SEM1: variants seen among roughly 807,000 people sequenced by gnomAD.
The protein encoded by SEM1 is SEM1 26S proteasome subunit.
In SEM1, 3 loss-of-function variants were observed where a neutral mutation model predicts 12.7. That is an observed-to-expected ratio of 0.24 (90% CI 0.11 to 0.61). The LOEUF is 0.61. SEM1 is among the 20% of genes least tolerant of loss of function. The pLI is 0.88. For missense variants in SEM1, 59 were observed against 81.3 expected (o/e 0.73, Z 1.06); for synonymous variants, 30 against 27.8 (o/e 1.08, Z -0.25).
chr7:96,631,632 A>G lies in SEM1; in HGVS notation c.171-8989T>C, dbSNP rs181708904. The stretch of plus-strand genomic sequence containing the variant: ...GAAAACCTGGGCAATACCTTTCAGG[A>G]CATAGGCATGGGCAAAGACTCCATG... On this transcript the variant is annotated intron_variant, in intron 2 of 2. Transcript: ENST00000417009. Among the ~76,000 whole-genome samples, 177 of 152,356 alleles carry G rather than the reference A, an allele frequency of 1.2e-3. 1 individual carries two copies. The highest frequency in any genetic ancestry group is 4.0e-3 in the African/African-American group (168 of 41,580).
At chr7:96,555,860 G>C (rs1178691359) in intron 2 of SEM1, among the ~76,000 whole-genome samples, 1 of 149,486 alleles carries the variant, frequency 6.7e-6, no homozygotes, top group Admixed American at 6.7e-5. Flanking sequence ...CTTGCTTTAT[G>C]AATCTGGGTG....
chr7:96,652,507 T>C (rs143503952), intron 2 of SEM1, among the ~76,000 whole-genome samples: 1 of 152,192 alleles, frequency 6.6e-6, no homozygotes, highest in African/African-American at 2.4e-5. Context: ...TTTATTTATC[T>C]AGTATCAAGA....
At chr7:96,570,656 A>G (rs559253825) in intron 2 of SEM1, among the ~76,000 whole-genome samples, 9 of 152,278 alleles carry the variant, frequency 5.9e-5, no homozygotes, top group African/African-American at 2.2e-4. Flanking sequence ...GATAAACGAT[A>G]AACATATGTG....
chr7:96,605,147 A>T (rs560636875), intron 2 of SEM1, among the ~76,000 whole-genome samples: 1 of 152,288 alleles, frequency 6.6e-6, no homozygotes, highest in Admixed American at 6.5e-5. Flanking sequence ...TAACCCTTCT[A>T]AACTCTTGCT....
At chr7:96,705,659 C>G (rs1790433405) in intron 1 of SEM1, among the ~76,000 whole-genome samples, 2 of 151,706 alleles carry the variant, frequency 1.3e-5, no homozygotes, top group Admixed American at 1.3e-4. Context: ...AACCCCATCT[C>G]TACAAAAAAA....
intron 2 of SEM1, among the ~76,000 whole-genome samples, chr7:96,557,367 T>C (rs552681455): frequency 7.2e-6 from 1 of 138,522 alleles, no homozygotes; most frequent in East Asian, 2.2e-4. Flanking sequence ...AGATGGGTTT[T>C]TGGTGTGGAT....
chr7:96,626,968 T>C (rs1462437658), intron 2 of SEM1, among the ~76,000 whole-genome samples: 5 of 152,118 alleles, frequency 3.3e-5, no homozygotes, highest in Non-Finnish European at 7.4e-5. Flanking sequence ...TCATTACTTG[T>C]TATTGGTCTA....
At chr7:96,622,428 T>G, downstream of SEM1, 3 of 543,290 alleles carry the variant, frequency 5.5e-6, no homozygotes, top group South Asian at 8.8e-5. Flanking sequence ...GGGAAAACAG[T>G]AGTCGATTCA....
intron 2 of SEM1, among the ~76,000 whole-genome samples, chr7:96,517,398 TA>T (rs1804129254): frequency 6.6e-6 from 1 of 152,166 alleles, no homozygotes; most frequent in Admixed American, 6.5e-5. Context: ...AAGACAACTT[TA>T]AAAAATGTTG....
intron 2 of SEM1, among the ~76,000 whole-genome samples, chr7:96,514,159 G>A (rs62470046): frequency 6.6e-6 from 1 of 151,940 alleles, no homozygotes; most frequent in Non-Finnish European, 1.5e-5. Context: ...TTATAGAAGT[G>A]GAATTACTAA....
intron 2 of SEM1, among the ~76,000 whole-genome samples, chr7:96,677,415 T>G (rs1009179663): frequency 6.6e-6 from 1 of 152,204 alleles, no homozygotes; most frequent in African/African-American, 2.4e-5. Flanking sequence ...CTTGTTCTTC[T>G]CTAGCAGTTT....
intron 1 of SEM1, among the ~76,000 whole-genome samples, chr7:96,705,701 T>A (rs1441994268): frequency 6.6e-6 from 1 of 151,572 alleles, no homozygotes; most frequent in African/African-American, 2.4e-5. Context: ...GCACCTGTAA[T>A]CCCAGCTACT....
upstream of SEM1, among the ~76,000 whole-genome samples, chr7:96,499,441 C>T (rs1452212013): frequency 6.6e-6 from 1 of 152,096 alleles, no homozygotes; most frequent in Non-Finnish European, 1.5e-5. Context: ...AGTGAGTAGC[C>T]CTGTGCCGGG....
intron 2 of SEM1, among the ~76,000 whole-genome samples, chr7:96,561,893 A>T (rs1314996899): frequency 6.6e-6 from 1 of 152,158 alleles, no homozygotes; most frequent in African/African-American, 2.4e-5. Flanking sequence ...CACCCTTCTA[A>T]CTATTATTAT....
intron 2 of SEM1, among the ~76,000 whole-genome samples, chr7:96,520,376 T>C (rs1158140076): frequency 6.6e-6 from 1 of 152,176 alleles, no homozygotes; most frequent in East Asian, 1.9e-4. Flanking sequence ...ATAGAACTTT[T>C]GTGAGAATCA....
chr7:96,665,038 T>C (rs1050070608), intron 2 of SEM1, among the ~76,000 whole-genome samples: 17 of 152,146 alleles, frequency 1.1e-4, no homozygotes, highest in Non-Finnish European at 2.2e-4. Context: ...ATCCCACACG[T>C]GTTCAGTGGG....
At chr7:96,518,613 A>G (rs983359760) in intron 2 of SEM1, among the ~76,000 whole-genome samples, 3 of 152,104 alleles carry the variant, frequency 2.0e-5, no homozygotes, top group Non-Finnish European at 2.9e-5. Context: ...ATTTATATTC[A>G]TCACGCAGCC....
chr7:96,544,406 T>C lies in SEM1; in HGVS notation c.171-37708A>G, dbSNP rs546219994. On this transcript the variant is annotated intron_variant and NMD_transcript_variant, in intron 2 of 3. Coordinates refer to the SEM1 transcript ENST00000466986. ...GATTTTTATAAGGATCAGATGAACATAATATAATTATAAAGCGCTATAGAG... is the reference window on the plus strand; with the variant it reads ...GATTTTTATAAGGATCAGATGAACACAATATAATTATAAAGCGCTATAGAG... Among the ~76,000 whole-genome samples the C allele has an allele frequency of 3.5e-4, 54 of 152,172 alleles. No homozygotes were observed. The South Asian group carries it at 6.4e-3, about 18-fold the overall frequency.
intron 2 of SEM1, chr7:96,650,452 T>C (rs1445232156): frequency 9.4e-6 from 7 of 744,232 alleles, no homozygotes; most frequent in Non-Finnish European, 1.7e-5. Flanking sequence ...TTCATCTGAC[T>C]TGATGGTACC....
Sources: allele counts gnomAD v4.1 joint callset (sites outside exome capture counted in the v4.1 genomes callset), GRCh38; gene constraint gnomAD v4.1.1; transcripts MANE v1.5; gene names NCBI Gene and HGNC (gene_info 2026-07-23, HGNC 2026-07-21).